The following ATG10 variants were observed in gnomAD, a reference collection of about 807,000 sequenced individuals.
The protein encoded by ATG10 is autophagy related 10, also known as ubiquitin-like-conjugating enzyme ATG10.
A neutral mutation model predicts 32.1 loss-of-function variants in ATG10; 30 were observed. That is an observed-to-expected ratio of 0.94 (90% confidence interval 0.70 to 1.27). ATG10 has a LOEUF of 1.27. ATG10 is among the 50% of genes most tolerant of loss of function. ATG10 has a pLI of 0.00. For missense variants in ATG10, 233 were observed against 262.3 expected (o/e 0.89, Z 0.77); for synonymous variants, 87 against 91.5 (o/e 0.95, Z 0.28).
chr5:82,026,598 T>C (rs537669127), intron 2 of ATG10, among the ~76,000 whole-genome samples: 1 of 152,200 alleles, frequency 6.6e-6, no homozygotes, highest in African/African-American at 2.4e-5. Context: ...TGACTTAGTT[T>C]TTGCCTTTGG....
At chr5:82,128,613 G>T (rs1766379535) in intron 3 of ATG10, among the ~76,000 whole-genome samples, 1 of 150,582 alleles carries the variant, frequency 6.6e-6, no homozygotes, top group Non-Finnish European at 1.5e-5. Flanking sequence ...TTGAATATTG[G>T]CCCCCACTCT....
chr5:82,231,753 A>G (rs901556054), intron 5 of ATG10, among the ~76,000 whole-genome samples: 2 of 152,216 alleles, frequency 1.3e-5, no homozygotes, highest in African/African-American at 4.8e-5. Context: ...TAATGAAATC[A>G]CTGGGAAATC....
At chr5:82,162,917 A>T (rs549508644) in intron 3 of ATG10, among the ~76,000 whole-genome samples, 1 of 151,906 alleles carries the variant, frequency 6.6e-6, no homozygotes, top group Admixed American at 6.6e-5. Flanking sequence ...AAAAAAATAC[A>T]CTCTGGCCTG....
chr5:82,174,555 A>G (rs925718570), intron 4 of ATG10, among the ~76,000 whole-genome samples: 2 of 152,064 alleles, frequency 1.3e-5, no homozygotes. Flanking sequence ...TAAAATAAGT[A>G]TAATTTTTTT....
At chr5:82,146,257 C>G (rs1767354424) in intron 3 of ATG10, among the ~76,000 whole-genome samples, 1 of 151,900 alleles carries the variant, frequency 6.6e-6, no homozygotes, top group Non-Finnish European at 1.5e-5. Flanking sequence ...GGCTTTTTGG[C>G]CTTCATTGTT....
intron 3 of ATG10, among the ~76,000 whole-genome samples, chr5:82,093,488 C>A (rs1342785869): frequency 6.6e-6 from 1 of 151,432 alleles, no homozygotes; most frequent in African/African-American, 2.4e-5. Context: ...TCAAACCTTC[C>A]TCTAGCTCAG....
At chr5:81,985,873 C>T (rs892706615) in intron 1 of ATG10, among the ~76,000 whole-genome samples, 11 of 152,242 alleles carry the variant, frequency 7.2e-5, no homozygotes, top group African/African-American at 2.7e-4. Context: ...CGCCATTCTC[C>T]TGCCTCAGCC....
chr5:82,162,365 G>A (rs1369691151), intron 3 of ATG10, among the ~76,000 whole-genome samples: 1 of 151,984 alleles, frequency 6.6e-6, no homozygotes, highest in African/African-American at 2.4e-5. Context: ...TTCATCAACA[G>A]GCAAAAATTA....
intron 1 of ATG10, among the ~76,000 whole-genome samples, chr5:81,981,939 T>G (rs1761059777): frequency 6.6e-6 from 1 of 152,244 alleles, no homozygotes; most frequent in African/African-American, 2.4e-5. Context: ...AAGATATATT[T>G]GAACAGCAGC....
At chr5:82,245,944 G>A (rs980628870) in intron 5 of ATG10, among the ~76,000 whole-genome samples, 1 of 152,152 alleles carries the variant, frequency 6.6e-6, no homozygotes, top group African/African-American at 2.4e-5. Context: ...ATTGCTAGAA[G>A]AGTGCTCATG....
chr5:82,243,698 A>G (rs1362983937), intron 5 of ATG10, among the ~76,000 whole-genome samples: 1 of 152,174 alleles, frequency 6.6e-6, no homozygotes, highest in African/African-American at 2.4e-5. Context: ...AATAATGGAC[A>G]AATCAACTGT....
chr5:82,077,539 TAA>T (rs1764318625), intron 3 of ATG10, among the ~76,000 whole-genome samples: 1 of 152,152 alleles, frequency 6.6e-6, no homozygotes, highest in Non-Finnish European at 1.5e-5. Context: ...TTTGTAGCTG[TAA>T]AAGAGACTAT....
intron 3 of ATG10, among the ~76,000 whole-genome samples, chr5:82,084,394 T>C (rs1764593564): frequency 6.6e-6 from 1 of 152,160 alleles, no homozygotes; most frequent in Non-Finnish European, 1.5e-5. Flanking sequence ...TGGAACCAAG[T>C]TGGGAAACAC....
Position 82,085,134 on chromosome 5 carries a change from C to A in ATG10, c.216+26532C>A, listed in dbSNP as rs1019928725. 4.0e-5 allele frequency among the ~76,000 whole-genome samples: 6 copies of A among 151,812 alleles called. No homozygotes were observed. In the South Asian group the frequency reaches 6.2e-4, roughly 16 times the overall value. The stretch of plus-strand genomic sequence containing the variant: ...TAGGCTCAAAATAAAGGGATGGAGG[C>A]AGATCTACCAAGCAAATGGAAAACA... On this transcript the variant is annotated intron_variant, in intron 3 of 7. Transcript: ENST00000282185.
intron 4 of ATG10, among the ~76,000 whole-genome samples, chr5:82,167,588 T>C (rs1040490450): frequency 3.3e-5 from 5 of 152,234 alleles, no homozygotes; most frequent in Admixed American, 2.6e-4. Flanking sequence ...AAACCATCTA[T>C]GTATCTTTAC....
At chr5:82,119,738 G>A (rs1765970959) in intron 3 of ATG10, among the ~76,000 whole-genome samples, 1 of 152,122 alleles carries the variant, frequency 6.6e-6, no homozygotes, top group Non-Finnish European at 1.5e-5. Context: ...TGGGATTACA[G>A]GTGTGAGCCA....
At chr5:82,153,910 ATTT>A (rs11346832) in intron 3 of ATG10, among the ~76,000 whole-genome samples, 7 of 130,070 alleles carry the variant, frequency 5.4e-5, no homozygotes, top group Admixed American at 2.3e-4. Flanking sequence ...CCTGCTGCCT[ATTT>A]TTTTTTTTTT....
At chr5:82,037,464 G>C (rs1468162554) in intron 2 of ATG10, among the ~76,000 whole-genome samples, 1 of 150,136 alleles carries the variant, frequency 6.7e-6, no homozygotes, top group Non-Finnish European at 1.5e-5. Flanking sequence ...AGCCGGGATG[G>C]TCTCGATCTC....
chr5:82,037,423 A>G (rs1762965020), intron 2 of ATG10, among the ~76,000 whole-genome samples: 2 of 147,114 alleles, frequency 1.4e-5, no homozygotes, highest in Non-Finnish European at 3.0e-5. Flanking sequence ...AATTTTTTGT[A>G]TTTTTAGTAG....
Sources: gnomAD v4.1 joint callset for allele counts (sites outside exome capture counted in the v4.1 genomes callset) on GRCh38, gnomAD v4.1.1 for gene constraint, MANE v1.5 for transcripts, NCBI Gene and HGNC (gene_info 2026-07-23, HGNC 2026-07-21) for gene names.